Variants in XXYLT1 observed in about 807,000 individuals in gnomAD.
The protein encoded by XXYLT1 is xyloside xylosyltransferase 1.
XXYLT1 carries 20 observed loss-of-function variants against 28.9 expected under a neutral mutation model. The ratio of observed to expected loss-of-function variants is 0.69; its 90% CI spans 0.49 to 1.00. The LOEUF is 1.00. Among genes scored for constraint, XXYLT1 ranks in the 50% least tolerant of loss-of-function variants. The probability of loss-of-function intolerance (pLI) is 0.00; values close to 1 mark genes in which losing one functional copy is unlikely to be tolerated. For synonymous variants in XXYLT1, 257 were observed against 253.8 expected, an observed-to-expected ratio of 1.01 and a Z score of -0.12; for missense variants, 542 against 560.1, an observed-to-expected ratio of 0.97 and a Z score of 0.33.
intron 3 of XXYLT1, among the ~76,000 whole-genome samples, chr3:195,111,502 G>A (rs73890680): frequency 0.032 from 4,891 of 152,194 alleles, 230 homozygotes; most frequent in African/African-American, 0.11. Context: ...GGCTGGGCCT[G>A]TGTGTATCTC....
At chr3:195,155,914 A>T (rs780989621) in intron 3 of XXYLT1, among the ~76,000 whole-genome samples, 2 of 152,196 alleles carry the variant, frequency 1.3e-5, no homozygotes, top group Non-Finnish European at 2.9e-5. Context: ...AATATTCCAG[A>T]ATGGTTCTCA....
chr3:195,241,992 A>C (rs1724796143), intron 1 of XXYLT1, among the ~76,000 whole-genome samples: 1 of 152,192 alleles, frequency 6.6e-6, no homozygotes, highest in African/African-American at 2.4e-5. Context: ...CCAGCCTGTA[A>C]GGCACCATGA....
intron 3 of XXYLT1, among the ~76,000 whole-genome samples, chr3:195,104,144 A>G (rs1181103841): frequency 2.0e-5 from 3 of 151,896 alleles, no homozygotes; most frequent in Non-Finnish European, 4.4e-5. Context: ...TGATGAGTAG[A>G]AGCCCTTTGG....
chr3:195,128,728 C>T (rs974355415), intron 3 of XXYLT1, among the ~76,000 whole-genome samples: 1 of 152,204 alleles, frequency 6.6e-6, no homozygotes. Flanking sequence ...TGGGCCTCTC[C>T]TATGTGTTTA....
intron 3 of XXYLT1, among the ~76,000 whole-genome samples, chr3:195,153,060 G>A (rs1297367547): frequency 6.6e-6 from 1 of 152,216 alleles, no homozygotes; most frequent in African/African-American, 2.4e-5. Context: ...CCGCAGCAAT[G>A]GCCAAGCCCA....
intron 1 of XXYLT1, among the ~76,000 whole-genome samples, chr3:195,265,329 T>G (rs1577211696): frequency 6.7e-6 from 1 of 149,924 alleles, no homozygotes; most frequent in East Asian, 2.0e-4. Context: ...ATCGCACCCT[T>G]GCACTCCAGC....
At chr3:195,079,696 A>G (rs931262985) in intron 3 of XXYLT1, among the ~76,000 whole-genome samples, 8 of 152,106 alleles carry the variant, frequency 5.3e-5, no homozygotes, top group Non-Finnish European at 1.2e-4. Context: ...TGTGGCTGGG[A>G]GCAGAGAGGG....
chr3:195,131,877 A>G (rs1718924788), intron 3 of XXYLT1, among the ~76,000 whole-genome samples: 2 of 152,234 alleles, frequency 1.3e-5, no homozygotes, highest in African/African-American at 4.8e-5. Flanking sequence ...CAAATTCTAT[A>G]AAATGAGGAC....
intron 1 of XXYLT1, among the ~76,000 whole-genome samples, chr3:195,253,719 G>A (rs1472769982): frequency 2.0e-5 from 3 of 151,806 alleles, no homozygotes; most frequent in Non-Finnish European, 2.9e-5. Context: ...GGCTGGTCTC[G>A]AACTCCTGAC....
chr3:195,081,465 C>A lies in XXYLT1; in HGVS notation c.786-11354G>T, dbSNP rs1715430552. ...GAGGCCCAGCTCCGCCACCTTCCAT[C>A]GGTCTAGGGTGGAGGGAAGGCCAGG... On this transcript the variant is annotated intron_variant, in intron 3 of 3. Transcript: ENST00000310380. Among the ~76,000 whole-genome samples the A allele has an allele frequency of 1.3e-5, 2 of 152,038 alleles. 1 individual carries two copies. Among genetic ancestry groups the A allele is most frequent in the South Asian group, 4.1e-4 (2 of 4,824 alleles).
At chr3:195,110,575 TTGTGTG>T (rs1429858935) in intron 3 of XXYLT1, among the ~76,000 whole-genome samples, 63 of 87,616 alleles carry the variant, frequency 7.2e-4, no homozygotes, top group Admixed American at 1.4e-3. Flanking sequence ...ATGTGGTGTG[TTGTGTG>T]GTGTATGTGT....
At chr3:195,245,146 G>A (rs538992529) in intron 1 of XXYLT1, among the ~76,000 whole-genome samples, 62 of 150,566 alleles carry the variant, frequency 4.1e-4, no homozygotes, top group African/African-American at 1.3e-3. Context: ...AGCCTTATGT[G>A]TAGCCCAAGA....
rs1726014379 is a variant in XXYLT1 at position 195,271,107 on chromosome 3, T to C, written c.-49A>G. Reference sequence around the variant, plus strand: ...CGGTGCCAGCAACGCGGGAGAGCCCTCGGGTACCCGGACGCCGGCGGCCAC... The same window carrying C: ...CGGTGCCAGCAACGCGGGAGAGCCCCCGGGTACCCGGACGCCGGCGGCCAC... On this transcript the variant is annotated 5_prime_UTR_variant, in exon 1 of 4. Transcript: ENST00000310380. The C allele has an allele frequency of 2.3e-6, 3 of 1,283,848 alleles. No homozygotes were observed. The highest frequency in any genetic ancestry group is 6.4e-5 in the East Asian group (2 of 31,242). The allele number at this position is 1,283,848 out of a possible 1,614,324, so 79.5% of individuals were successfully genotyped here.
chr3:195,075,162 G>T (rs112865836), intron 3 of XXYLT1, among the ~76,000 whole-genome samples: 16,422 of 152,270 alleles, frequency 0.11, 1,051 homozygotes, highest in East Asian at 0.3. Flanking sequence ...TGAGGCAGGA[G>T]AATCGTTTGA....
rs1717018935 is a variant in XXYLT1 at position 195,105,217 on chromosome 3, GAC to G, written c.786-35108_786-35107del. Among the ~76,000 whole-genome samples the G allele has an allele frequency of 5.9e-5, 9 of 152,232 alleles. No homozygotes were observed. In the South Asian group the frequency reaches 1.9e-3, roughly 32 times the overall value. ...AGAGGTGAATGTCAAGGGGACCTGG[GAC>G]ACAACCAAGTGTGTCAAAGTGTGTC... is the stretch of plus-strand genomic sequence containing the variant. On this transcript the variant is annotated intron_variant, in intron 3 of 3. Coordinates refer to ENST00000310380, the MANE Select transcript of XXYLT1 (RefSeq NM_152531.5).
At chr3:195,074,206 G>A (rs1714989137) in intron 3 of XXYLT1, among the ~76,000 whole-genome samples, 1 of 152,230 alleles carries the variant, frequency 6.6e-6, no homozygotes, top group African/African-American at 2.4e-5. Context: ...GACTCTGCAG[G>A]AAGGTTCTAG....
intron 3 of XXYLT1, among the ~76,000 whole-genome samples, chr3:195,110,393 GTGT>G (rs1717546929): frequency 8.0e-4 from 34 of 42,716 alleles, no homozygotes; most frequent in African/African-American, 8.4e-4. Context: ...TGTGTGTGGT[GTGT>G]TATGTGTGTA....
At chr3:195,088,135 A>C (rs112758071) in intron 3 of XXYLT1, among the ~76,000 whole-genome samples, 4,409 of 149,500 alleles carry the variant, frequency 0.029, 89 homozygotes, top group Non-Finnish European at 0.032. Context: ...CCCAGGCTTG[A>C]TTAGGTAAAC....
At chr3:195,155,510 A>G (rs1323102622) in intron 3 of XXYLT1, among the ~76,000 whole-genome samples, 1 of 151,212 alleles carries the variant, frequency 6.6e-6, no homozygotes, top group Non-Finnish European at 1.5e-5. Context: ...ATTGTAATCA[A>G]AACCCGCTTC....
Sources: gnomAD v4.1 joint callset for allele counts (sites outside exome capture counted in the v4.1 genomes callset) on GRCh38, gnomAD v4.1.1 for gene constraint, MANE v1.5 for transcripts, NCBI Gene and HGNC (gene_info 2026-07-23, HGNC 2026-07-21) for gene names.